The following TM9SF4 variants were observed in gnomAD, a reference collection of about 807,000 sequenced individuals.
The protein encoded by TM9SF4 is transmembrane 9 superfamily member 4.
Under a neutral mutation model 90.4 loss-of-function variants are expected in TM9SF4, and 26 were observed. That is an observed-to-expected ratio of 0.29 (90% confidence interval 0.21 to 0.40). TM9SF4 has a LOEUF of 0.40. Ranked by LOEUF, TM9SF4 falls within the 10% of genes least tolerant of loss-of-function variation. The probability of loss-of-function intolerance (pLI) is 1.00; values close to 1 mark genes in which losing one functional copy is unlikely to be tolerated. For synonymous variants in TM9SF4, 293 were observed against 315.4 expected (o/e 0.93, Z 0.75); for missense variants, 549 against 834.8 (o/e 0.66, Z 4.22).
intron 9 of TM9SF4, among the ~76,000 whole-genome samples, chr20:32,148,057 G>A (rs1002743487): frequency 6.6e-6 from 1 of 151,240 alleles, no homozygotes; most frequent in African/African-American, 2.4e-5. Flanking sequence ...GTTGCAGTGA[G>A]CCGAGATCAC....
intron 1 of TM9SF4, among the ~76,000 whole-genome samples, chr20:32,125,374 T>C (rs1355796542): frequency 6.6e-6 from 1 of 152,204 alleles, no homozygotes; most frequent in Non-Finnish European, 1.5e-5. Flanking sequence ...TTACCCAAAG[T>C]CACACAGCTA....
intron 1 of TM9SF4, among the ~76,000 whole-genome samples, chr20:32,110,400 C>A (rs1402776179): frequency 2.6e-5 from 4 of 152,132 alleles, no homozygotes; most frequent in African/African-American, 9.7e-5. Context: ...CTCTTAGGGA[C>A]CTTTTACCCT....
chr20:32,126,213 CAT>C (rs2046420545), intron 1 of TM9SF4, among the ~76,000 whole-genome samples: 1 of 152,104 alleles, frequency 6.6e-6, no homozygotes, highest in African/African-American at 2.4e-5. Context: ...ACTTGCTACT[CAT>C]AGGATGGTCC....
chr20:32,109,884 C>T, intron 1 of TM9SF4, 129 bp downstream of exon 1: 1 of 1,511,482 alleles, frequency 6.6e-7, no homozygotes, highest in South Asian at 1.2e-5. Flanking sequence ...AGGGCTACCT[C>T]TGACTGGGCT....
At chr20:32,144,152 G>A (rs1316561849) in intron 6 of TM9SF4, among the ~76,000 whole-genome samples, 2 of 152,130 alleles carry the variant, frequency 1.3e-5, no homozygotes, top group African/African-American at 4.8e-5. Context: ...CACCATGTTG[G>A]CCAGGCTGGT....
chr20:32,139,574 G>A (rs552482429), intron 3 of TM9SF4, among the ~76,000 whole-genome samples: 2 of 152,240 alleles, frequency 1.3e-5, no homozygotes, highest in East Asian at 3.9e-4. Flanking sequence ...ACTGCTCACC[G>A]CCAGTTCCTT....
At chr20:32,117,127 G>A (rs550918386) in intron 1 of TM9SF4, among the ~76,000 whole-genome samples, 1 of 150,502 alleles carries the variant, frequency 6.6e-6, no homozygotes, top group Admixed American at 6.7e-5. Context: ...AGGAGGCTGA[G>A]GCAGGAGAAT....
rs1466805012 is a variant in TM9SF4, at chr20:32,146,795, C to T, written c.894C>T (p.Ser298=). 2 of 1,614,056 alleles carry T rather than the reference C, an allele frequency of 1.2e-6. No homozygotes were observed. The highest frequency in any genetic ancestry group is 2.2e-5 in the East Asian group (1 of 44,880). ...VVVFFLSGIL[S]MIIIRTLRKD... ...CGCCATCTATTTCAGGTATCCTGAG[C>T]ATGATTATCATTCGGACCCTCCGGA... Residue 298 remains serine (S), a synonymous_variant, in exon 9 of 18, where the codon AGC becomes AGT. Transcript: ENST00000398022.
At chr20:32,147,964 T>C (rs1037933112) in intron 9 of TM9SF4, among the ~76,000 whole-genome samples, 1 of 151,700 alleles carries the variant, frequency 6.6e-6, no homozygotes, top group Non-Finnish European at 1.5e-5. Context: ...ATACAAAAAT[T>C]AGCTGAGCCT....
intron 17 of TM9SF4, among the ~76,000 whole-genome samples, chr20:32,164,904 G>A (rs1251997077): frequency 6.6e-6 from 1 of 152,178 alleles, no homozygotes; most frequent in African/African-American, 2.4e-5. Context: ...GCTGAGGCGG[G>A]CTGATGGGGC....
intron 13 of TM9SF4, among the ~76,000 whole-genome samples, chr20:32,157,028 A>G (rs186761648): frequency 1.0e-3 from 142 of 141,592 alleles, no homozygotes; most frequent in African/African-American, 3.7e-3. Flanking sequence ...GTTCACTGCA[A>G]CCTCCACCTC....
At chr20:32,161,659 C>T (rs146298158) in intron 17 of TM9SF4, among the ~76,000 whole-genome samples, 25 of 152,288 alleles carry the variant, frequency 1.6e-4, no homozygotes, top group Admixed American at 4.6e-4. Context: ...AGCAATATGT[C>T]ACCTGCAGTG....
At chr20:32,123,866 A>ATATATATATATATTTTTTTTTTTTTTT in intron 1 of TM9SF4, among the ~76,000 whole-genome samples, 4 of 93,960 alleles carry the variant, frequency 4.3e-5, no homozygotes, top group African/African-American at 1.8e-4. Flanking sequence ...ATATATATAT[A>ATATATATATATATTTTTTTTTTTTTTT]TTTTTTTTTT....
At chr20:32,122,410 G>C (rs1416785786) in intron 1 of TM9SF4, among the ~76,000 whole-genome samples, 3 of 150,684 alleles carry the variant, frequency 2.0e-5, no homozygotes, top group African/African-American at 7.3e-5. Context: ...CTTCTCAGAC[G>C]GGGGTGCTGC....
chr20:32,138,404 G>T (rs529185661), intron 3 of TM9SF4, among the ~76,000 whole-genome samples: 13 of 152,132 alleles, frequency 8.5e-5, no homozygotes, highest in African/African-American at 3.1e-4. Context: ...CAGAGTAGGC[G>T]GATCACCTGA....
intron 1 of TM9SF4, among the ~76,000 whole-genome samples, chr20:32,115,264 T>C (rs1427757288): frequency 6.6e-6 from 1 of 152,198 alleles, no homozygotes; most frequent in Non-Finnish European, 1.5e-5. Context: ...AGTTGCCTCT[T>C]AGTTTCTGTT....
chr20:32,132,608 A>G (rs1485174020), intron 1 of TM9SF4, among the ~76,000 whole-genome samples: 1 of 152,034 alleles, frequency 6.6e-6, no homozygotes, highest in African/African-American at 2.4e-5. Flanking sequence ...TCTCTTGGTA[A>G]CATAGGAGCT....
intron 1 of TM9SF4, among the ~76,000 whole-genome samples, chr20:32,131,528 G>C (rs2046513141): frequency 6.6e-6 from 1 of 151,240 alleles, no homozygotes. Flanking sequence ...TGGTTGCTTG[G>C]TTGGTTGGAT....
At chr20:32,128,685 CGTT>C (rs2046459270) in intron 1 of TM9SF4, among the ~76,000 whole-genome samples, 1 of 152,044 alleles carries the variant, frequency 6.6e-6, no homozygotes, top group South Asian at 2.1e-4. Flanking sequence ...CAGTATTTGA[CGTT>C]GTTTCTGAGT....
Sources: allele counts gnomAD v4.1 joint callset (sites outside exome capture counted in the v4.1 genomes callset), GRCh38; gene constraint gnomAD v4.1.1; transcripts MANE v1.5; gene names NCBI Gene and HGNC (gene_info 2026-07-23, HGNC 2026-07-21).